The following ABL1 variants were observed in gnomAD, a reference collection of about 807,000 sequenced individuals.
The protein encoded by ABL1 is tyrosine-protein kinase ABL1.
ABL1 carries 11 observed loss-of-function variants against 94.7 expected under a neutral mutation model. That is an observed-to-expected ratio of 0.12 (90% CI 0.07 to 0.19). The LOEUF (loss-of-function observed/expected upper bound fraction) is 0.19, where lower values mean the gene tolerates loss of function less well. Ranked by LOEUF, ABL1 falls within the 10% of genes least tolerant of loss-of-function variation. The probability of loss-of-function intolerance (pLI) is 1.00; values close to 1 mark genes in which losing one functional copy is unlikely to be tolerated. For missense variants in ABL1, 1,082 were observed against 1,489.4 expected, an observed-to-expected ratio of 0.73 and a Z score of 4.50; for synonymous variants, 656 against 622.4, an observed-to-expected ratio of 1.05 and a Z score of -0.80.
At chr9:130,840,474 G>A (rs1017536632) in intron 1 of ABL1, among the ~76,000 whole-genome samples, 1 of 152,164 alleles carries the variant, frequency 6.6e-6, no homozygotes, top group African/African-American at 2.4e-5. Flanking sequence ...AATTGTGCCA[G>A]TATAATCATT....
At chr9:130,724,327 G>A (rs766352195) in intron 1 of ABL1, among the ~76,000 whole-genome samples, 5 of 152,270 alleles carry the variant, frequency 3.3e-5, no homozygotes, top group Admixed American at 6.5e-5. Flanking sequence ...TGGACTAAAT[G>A]AGAAATTAAA....
chr9:130,750,018 G>GA lies in ABL1; in HGVS notation c.136+35572dup, dbSNP rs550022143. Reference sequence around the variant, plus strand: ...GCAAGACTCCATCTCTACAAAAATTGAAAAAAAAATAAATTATCCAGGTGT... The same window carrying GA: ...GCAAGACTCCATCTCTACAAAAATTGAAAAAAAAAATAAATTATCCAGGTGT... On this transcript the variant is annotated intron_variant, in intron 1 of 10. Coordinates refer to the ABL1 transcript ENST00000372348. 8.1e-3 allele frequency among the ~76,000 whole-genome samples: 1,180 copies of GA among 146,536 alleles called. 6 individuals carry two copies. The highest frequency in any genetic ancestry group is 0.013 in the Non-Finnish European group (864 of 66,350).
At position 130,835,751 on chromosome 9, in the gene ABL1, T is replaced by TTTTCTC. The variant is rs56250974; in HGVS notation, c.79+228_79+233dup. Among the ~76,000 whole-genome samples, 118,889 of 151,740 alleles carry TTTTCTC rather than the reference T, an allele frequency of 0.78. 47,359 individuals are homozygous for TTTTCTC. Among genetic ancestry groups the TTTTCTC allele is most frequent in the East Asian group, 0.92 (4,710 of 5,122 alleles). On this transcript the variant is annotated intron_variant, in intron 1 of 10. Coordinates refer to ENST00000318560, the MANE Select transcript of ABL1 (RefSeq NM_005157.6). The surrounding 1 kb of genome is among the most constrained non-coding windows in gnomAD (Gnocchi z 4.6). ...CTTTTCTCTTCTCTTGTCTCTCTCTTTTTCTCTCTCTCTGTCTCTTTCTCT... is the reference window on the plus strand; with the variant it reads ...CTTTTCTCTTCTCTTGTCTCTCTCTTTTTCTCTTTCTCTCTCTCTGTCTCTTTCTCT...
intron 1 of ABL1, among the ~76,000 whole-genome samples, chr9:130,736,101 G>A (rs1037938271): frequency 1.3e-5 from 2 of 151,290 alleles, no homozygotes; most frequent in African/African-American, 4.9e-5. Context: ...AACTATAAAT[G>A]TATACCACTA....
At chr9:130,811,105 A>T (rs1003277334) in intron 1 of ABL1, among the ~76,000 whole-genome samples, 6 of 136,318 alleles carry the variant, frequency 4.4e-5, no homozygotes, top group South Asian at 2.1e-4. Context: ...TTCAGACTTT[A>T]AAAAAAAAAA....
intron 1 of ABL1, among the ~76,000 whole-genome samples, chr9:130,840,224 A>G (rs985527769): frequency 6.6e-6 from 1 of 152,214 alleles, no homozygotes; most frequent in Non-Finnish European, 1.5e-5. Context: ...GTTTGTTTCT[A>G]AGTGTGTTTT....
At chr9:130,816,684 G>A (rs1420142025) in intron 1 of ABL1, among the ~76,000 whole-genome samples, 1 of 152,038 alleles carries the variant, frequency 6.6e-6, no homozygotes, top group Admixed American at 6.6e-5. Flanking sequence ...TAGGCAAGAA[G>A]AAAGGGGTAG....
At chr9:130,724,864 G>T in intron 1 of ABL1, 2 of 460,044 alleles carry the variant, frequency 4.3e-6, no homozygotes, top group Non-Finnish European at 8.6e-6. Flanking sequence ...CGCTTCATTC[G>T]CCCAGTCCCT....
chr9:130,871,020 C>T (rs191105080), intron 4 of ABL1, among the ~76,000 whole-genome samples: 5 of 152,264 alleles, frequency 3.3e-5, no homozygotes, highest in Admixed American at 1.3e-4. Context: ...CAAGGTTCTA[C>T]GTTTAATAGA....
intron 1 of ABL1, among the ~76,000 whole-genome samples, chr9:130,850,864 A>G (rs945304785): frequency 3.3e-5 from 5 of 152,032 alleles, no homozygotes; most frequent in African/African-American, 1.2e-4. Flanking sequence ...CTACCAAACC[A>G]ATGTACACTA....
chr9:130,728,230 A>ATTTTTTTTTTTTTTTTT lies in ABL1; in HGVS notation c.136+13777_136+13793dup, dbSNP rs55915035. 1.2e-3 allele frequency among the ~76,000 whole-genome samples: 118 copies of ATTTTTTTTTTTTTTTTT among 102,514 alleles called. 7 individuals are homozygous for ATTTTTTTTTTTTTTTTT. The highest frequency in any genetic ancestry group is 6.9e-3 in the East Asian group (19 of 2,750). 67.3% of individuals were successfully genotyped at this position (102,514 alleles called of 152,430 possible). A position where few individuals can be genotyped will look rare whatever the true frequency, so the allele number is the denominator to read the frequency against. ...GGGCATGCGCCACCATGTCCAGCTG[A>ATTTTTTTTTTTTTTTTT]TTTTTTTTTTTTTTTTTTGTGGAGA... On this transcript the variant is annotated intron_variant, in intron 1 of 10. Transcript: ENST00000372348.
chr9:130,752,705 T>C (rs1358165096), intron 1 of ABL1, among the ~76,000 whole-genome samples: 1 of 152,158 alleles, frequency 6.6e-6, no homozygotes, highest in Non-Finnish European at 1.5e-5. Context: ...ATTCCTGTAA[T>C]CCCAGCACTT....
At chr9:130,732,778 T>C (rs76379758) in intron 1 of ABL1, among the ~76,000 whole-genome samples, 1 of 36,352 alleles carries the variant, frequency 2.8e-5, no homozygotes, top group South Asian at 1.2e-3. Context: ...AGGCACAGTG[T>C]TTTTTTTTTT....
intron 1 of ABL1, among the ~76,000 whole-genome samples, chr9:130,737,456 T>C (rs1047690980): frequency 3.3e-5 from 5 of 151,614 alleles, no homozygotes; most frequent in Non-Finnish European, 7.4e-5. Context: ...TTTGTAGAGA[T>C]GGGGGTTTCA....
chr9:130,843,110 A>C (rs1830702496), intron 1 of ABL1, among the ~76,000 whole-genome samples: 1 of 152,146 alleles, frequency 6.6e-6, no homozygotes, highest in South Asian at 2.1e-4. Flanking sequence ...AGATTATTAA[A>C]CTGCACTTTT....
chr9:130,800,479 A>C (rs936859123), intron 1 of ABL1, among the ~76,000 whole-genome samples: 1 of 151,766 alleles, frequency 6.6e-6, no homozygotes, highest in Non-Finnish European at 1.5e-5. Flanking sequence ...AAAAGAACCC[A>C]AAACCAAAAA....
intron 1 of ABL1, among the ~76,000 whole-genome samples, chr9:130,818,029 A>C (rs73555895): frequency 9.5e-4 from 144 of 152,348 alleles, no homozygotes; most frequent in African/African-American, 3.3e-3. Flanking sequence ...AGTATTTTAC[A>C]AAGTAAGGGT....
At chr9:130,869,435 G>C (rs1588275482) in intron 4 of ABL1, among the ~76,000 whole-genome samples, 1 of 152,178 alleles carries the variant, frequency 6.6e-6, no homozygotes, top group Admixed American at 6.5e-5. Context: ...GAGAAAACAG[G>C]CTCAGAGAAG....
At chr9:130,755,640 G>GTAA (rs2132737731) in intron 1 of ABL1, among the ~76,000 whole-genome samples, 1 of 152,304 alleles carries the variant, frequency 6.6e-6, no homozygotes, top group Non-Finnish European at 1.5e-5. Context: ...TCATAAGGCT[G>GTAA]TAATAATGTA....
Sources: gnomAD v4.1 joint callset for allele counts (sites outside exome capture counted in the v4.1 genomes callset) on GRCh38, gnomAD v4.1.1 for gene constraint, Gnocchi (gnomAD v3.1) non-coding constraint, MANE v1.5 for transcripts, NCBI Gene and HGNC (gene_info 2026-07-23, HGNC 2026-07-21) for gene names.